The following NFIA variants were observed in gnomAD, a reference collection of about 807,000 sequenced individuals.
The protein encoded by NFIA is nuclear factor I A, also known as nuclear factor 1 A-type.
In NFIA, 8 loss-of-function variants were observed where a neutral mutation model predicts 62.8. The observed-to-expected ratio is 0.13, with a 90% confidence interval of 0.07 to 0.23. The LOEUF (loss-of-function observed/expected upper bound fraction) is 0.23, where lower values mean the gene tolerates loss of function less well. Among genes scored for constraint, NFIA ranks in the 10% least tolerant of loss-of-function variants. The pLI, the probability that NFIA is intolerant of heterozygous loss-of-function variation, is 1.00. For synonymous variants in NFIA, 235 were observed against 238.1 expected (o/e 0.99, Z 0.12); for missense variants, 410 against 642.1 (o/e 0.64, Z 3.91).
upstream of NFIA, chr1:61,082,006 G>T: frequency 6.5e-7 from 1 of 1,550,154 alleles, no homozygotes; most frequent in Non-Finnish European, 8.7e-7. Context: ...GGCCCGGGGG[G>T]TGCGGGGCAA....
intron 2 of NFIA, among the ~76,000 whole-genome samples, chr1:61,204,711 A>G (rs571135361): frequency 6.6e-6 from 1 of 152,310 alleles, no homozygotes; most frequent in African/African-American, 2.4e-5. Context: ...TAGTGAGGCT[A>G]TCTGGAGATT....
chr1:61,434,594 GA>G (rs1667248449), intron 10 of NFIA, among the ~76,000 whole-genome samples: 2 of 152,162 alleles, frequency 1.3e-5, no homozygotes, highest in African/African-American at 4.8e-5. Context: ...ATTAATTCTA[GA>G]TACTGGTCAC....
Position 61,457,201 on chromosome 1 carries a change from A to G in NFIA, c.*1881A>G, listed in dbSNP as rs904867246. 4 of 152,120 alleles carry G rather than the reference A, an allele frequency of 2.6e-5. No individual in the cohort carries two copies. Among genetic ancestry groups the G allele is most frequent in the African/African-American group, 9.7e-5 (4 of 41,418 alleles). 9.4% of individuals were successfully genotyped at this position (152,120 alleles called of 1,614,324 possible). On this transcript the variant is annotated 3_prime_UTR_variant, in exon 11 of 11. Transcript: ENST00000403491. This position sits in a 1 kb window ranked among gnomAD's most constrained non-coding sequence, Gnocchi z 4.2. ...GCTCCTCATCTTTCTCCCCGAAACA[A>G]TGTTGTTTTGTTTTGTTTTTTTTCC...
intron 5 of NFIA, among the ~76,000 whole-genome samples, chr1:61,355,609 C>G (rs1195624355): frequency 1.3e-5 from 2 of 151,652 alleles, no homozygotes; most frequent in Non-Finnish European, 1.5e-5. Context: ...CCAATAGAGA[C>G]AGAGTCTCTT....
intron 10 of NFIA, among the ~76,000 whole-genome samples, chr1:61,454,243 T>G (rs1181581753): frequency 6.6e-6 from 1 of 152,240 alleles, no homozygotes; most frequent in Non-Finnish European, 1.5e-5. Context: ...TGTAGTGAAT[T>G]TGTCAAGGTA....
intron 2 of NFIA, among the ~76,000 whole-genome samples, chr1:61,202,684 C>T (rs762940462): frequency 5.9e-5 from 9 of 152,048 alleles, no homozygotes; most frequent in Admixed American, 1.3e-4. Context: ...ACATAAAGAA[C>T]ATGTTTTTTG....
chr1:61,243,295 G>GT (rs1655453469), intron 2 of NFIA, among the ~76,000 whole-genome samples: 1 of 152,152 alleles, frequency 6.6e-6, no homozygotes, highest in Non-Finnish European at 1.5e-5. Flanking sequence ...TGCAAGGTGT[G>GT]TAGCAGATCC....
chr1:61,338,869 T>G (rs903627288), intron 4 of NFIA, among the ~76,000 whole-genome samples: 2 of 152,238 alleles, frequency 1.3e-5, no homozygotes, highest in African/African-American at 4.8e-5. Context: ...TTTTCCTGTG[T>G]TAAGTAACAC....
chr1:61,220,954 C>A (rs891969423), intron 2 of NFIA, among the ~76,000 whole-genome samples: 3 of 152,148 alleles, frequency 2.0e-5, no homozygotes, highest in Non-Finnish European at 4.4e-5. Flanking sequence ...CAGATACTTG[C>A]AGTGTGAATA....
At chr1:61,347,124 G>C (rs1423542634) in intron 4 of NFIA, among the ~76,000 whole-genome samples, 1 of 144,532 alleles carries the variant, frequency 6.9e-6, no homozygotes, top group Non-Finnish European at 1.5e-5. Context: ...GGTCCACAGT[G>C]ATCTTATCAC....
chr1:61,431,901 T>G (rs984115981), intron 10 of NFIA, among the ~76,000 whole-genome samples: 1 of 152,260 alleles, frequency 6.6e-6, no homozygotes, highest in Non-Finnish European at 1.5e-5. Flanking sequence ...ATAAGTTCCT[T>G]TCTTCAGTCA....
intron 7 of NFIA, among the ~76,000 whole-genome samples, chr1:61,390,845 G>C (rs1664937130): frequency 6.6e-6 from 1 of 152,152 alleles, no homozygotes; most frequent in Non-Finnish European, 1.5e-5. Flanking sequence ...CATAAGGAAA[G>C]CACTCAATAA....
intron 2 of NFIA, among the ~76,000 whole-genome samples, chr1:61,104,353 G>C (rs1341388514): frequency 1.3e-5 from 2 of 151,986 alleles, no homozygotes; most frequent in Non-Finnish European, 1.5e-5. Context: ...TTAATCCTAA[G>C]CTCTGAGAGG....
intron 9 of NFIA, among the ~76,000 whole-genome samples, chr1:61,415,436 G>A (rs978836523): frequency 2.0e-5 from 3 of 152,030 alleles, no homozygotes; most frequent in African/African-American, 7.2e-5. Context: ...TAACAGACGT[G>A]ACAGGGCTAA....
intron 7 of NFIA, among the ~76,000 whole-genome samples, chr1:61,398,210 G>C (rs552700850): frequency 6.6e-6 from 1 of 152,336 alleles, no homozygotes; most frequent in African/African-American, 2.4e-5. Context: ...TTCAGCAGTT[G>C]CAACAGAGAC....
intron 2 of NFIA, chr1:61,251,423 A>G (rs1656030957): frequency 6.6e-6 from 1 of 152,210 alleles, no homozygotes; most frequent in African/African-American, 2.4e-5. Context: ...AAAGTTATGT[A>G]TATATAAATC....
chr1:61,257,343 T>TG (rs1030346146), intron 2 of NFIA, among the ~76,000 whole-genome samples: 1 of 135,894 alleles, frequency 7.4e-6, no homozygotes, highest in African/African-American at 2.7e-5. Flanking sequence ...TTTTTTTTTT[T>TG]TTTTTTTTTT....
chr1:61,159,760 C>A (rs1649060131), intron 2 of NFIA, among the ~76,000 whole-genome samples: 1 of 144,442 alleles, frequency 6.9e-6, no homozygotes, highest in Non-Finnish European at 1.5e-5. Flanking sequence ...CGGCTCATTG[C>A]AACCTCTGCC....
intron 2 of NFIA, among the ~76,000 whole-genome samples, chr1:61,207,955 C>T (rs1337630601): frequency 6.7e-6 from 1 of 149,706 alleles, no homozygotes. Context: ...TAGTGGTATG[C>T]CTTGGAAATG....
Sources: allele counts gnomAD v4.1 joint callset (sites outside exome capture counted in the v4.1 genomes callset), GRCh38; gene constraint gnomAD v4.1.1; non-coding constraint Gnocchi (gnomAD v3.1); transcripts MANE v1.5; gene names NCBI Gene and HGNC (gene_info 2026-07-23, HGNC 2026-07-21).